The following RGS6 variants were observed in gnomAD, a reference collection of about 807,000 sequenced individuals.
RGS6 encodes regulator of G-protein signaling 6.
Under a neutral mutation model 78.5 loss-of-function variants are expected in RGS6, and 30 were observed. The observed-to-expected ratio is 0.38, with a 90% confidence interval of 0.29 to 0.52. The LOEUF (loss-of-function observed/expected upper bound fraction) is 0.52, where lower values mean the gene tolerates loss of function less well. RGS6 is among the 20% of genes least tolerant of loss of function. The pLI, the probability that RGS6 is intolerant of heterozygous loss-of-function variation, is 0.85. For missense variants in RGS6, 495 were observed against 609.7 expected (o/e 0.81, Z 1.98); for synonymous variants, 206 against 206.0 (o/e 1.00, Z 0.00).
At position 72,048,705 on chromosome 14, in the gene RGS6, C is replaced by T. The variant is rs183450617; in HGVS notation, c.84+83830C>T. Reference sequence around the variant, plus strand: ...TTTTTGCAGATTTTTTTTTTCTTAACAGAGAAAATTGAGATATGAAATTAT... The same window carrying T: ...TTTTTGCAGATTTTTTTTTTCTTAATAGAGAAAATTGAGATATGAAATTAT... On this transcript the variant is annotated intron_variant, in intron 2 of 17. Transcript: ENST00000553525. Among the ~76,000 whole-genome samples, 429 of 151,858 alleles carry T rather than the reference C, an allele frequency of 2.8e-3. 6 individuals are homozygous for T. The highest frequency in any genetic ancestry group is 9.9e-3 in the African/African-American group (408 of 41,386).
chr14:72,295,214 C>T (rs1370058927), intron 2 of RGS6, among the ~76,000 whole-genome samples: 1 of 150,710 alleles, frequency 6.6e-6, no homozygotes, highest in East Asian at 1.9e-4. Flanking sequence ...TGGCGTGAAC[C>T]CGGGAGGCGG....
intron 2 of RGS6, among the ~76,000 whole-genome samples, chr14:72,235,738 G>A (rs1359392296): frequency 2.0e-5 from 3 of 152,210 alleles, no homozygotes; most frequent in East Asian, 1.9e-4. Context: ...ATAACAGCTT[G>A]TAGATGGATA....
intron 3 of RGS6, 101 bp from the exon 4 acceptor site, chr14:72,454,427 T>C: frequency 1.7e-6 from 2 of 1,207,122 alleles, no homozygotes; most frequent in Admixed American, 1.7e-5. Context: ...CTCTACAGTG[T>C]GGACTGTTTG....
At chr14:72,427,364 C>T (rs1296609147) in intron 3 of RGS6, among the ~76,000 whole-genome samples, 2 of 152,150 alleles carry the variant, frequency 1.3e-5, no homozygotes, top group African/African-American at 4.8e-5. Context: ...GGATTCAGTA[C>T]TATCCGCTGT....
chr14:71,928,761 C>T (rs2087757236), upstream of RGS6, among the ~76,000 whole-genome samples: 1 of 152,190 alleles, frequency 6.6e-6, no homozygotes, highest in Non-Finnish European at 1.5e-5. Context: ...AGGATCCTTG[C>T]ATGCAGTGTG....
At chr14:71,975,727 G>C (rs2094083475) in intron 2 of RGS6, among the ~76,000 whole-genome samples, 1 of 152,180 alleles carries the variant, frequency 6.6e-6, no homozygotes, top group South Asian at 2.1e-4. Context: ...AAAGTGCTGG[G>C]ATTATAGGCA....
At chr14:72,190,690 C>G (rs2097312277) in intron 2 of RGS6, among the ~76,000 whole-genome samples, 1 of 152,190 alleles carries the variant, frequency 6.6e-6, no homozygotes, top group South Asian at 2.1e-4. Context: ...AGAGGAGAAT[C>G]TAGGAGATAC....
intron 2 of RGS6, among the ~76,000 whole-genome samples, chr14:72,090,331 G>A (rs916685853): frequency 6.6e-6 from 1 of 152,130 alleles, no homozygotes; most frequent in Non-Finnish European, 1.5e-5. Context: ...TGGCACAGCC[G>A]GAGGTGAGCA....
At chr14:72,039,547 T>G (rs1318532009) in intron 2 of RGS6, among the ~76,000 whole-genome samples, 3 of 152,166 alleles carry the variant, frequency 2.0e-5, no homozygotes, top group South Asian at 4.1e-4. Context: ...TGGAATATCT[T>G]TTTCCATTCT....
chr14:72,367,026 C>T (rs549447990), intron 3 of RGS6, among the ~76,000 whole-genome samples: 2 of 152,294 alleles, frequency 1.3e-5, no homozygotes, highest in African/African-American at 4.8e-5. Flanking sequence ...CTCACTTATT[C>T]TTGCAGTCAG....
intron 3 of RGS6, among the ~76,000 whole-genome samples, chr14:72,361,421 T>C (rs889688765): frequency 6.6e-6 from 1 of 152,152 alleles, no homozygotes; most frequent in Non-Finnish European, 1.5e-5. Flanking sequence ...CCACAAATTG[T>C]AAGTCAAGTG....
intron 3 of RGS6, among the ~76,000 whole-genome samples, chr14:72,447,671 C>G (rs978245488): frequency 7.2e-5 from 11 of 152,134 alleles, no homozygotes; most frequent in African/African-American, 2.2e-4. Context: ...TTACCCCTCA[C>G]AGTCAAGATG....
intron 1 of RGS6, 86 bp from the exon 2 acceptor site, chr14:71,964,686 C>A: frequency 2.2e-6 from 2 of 913,328 alleles, no homozygotes; most frequent in Admixed American, 2.6e-5. Flanking sequence ...ATGGCATCTG[C>A]CAAAAGTTAC....
At chr14:72,397,331 C>G (rs1195296256) in intron 3 of RGS6, among the ~76,000 whole-genome samples, 1 of 151,894 alleles carries the variant, frequency 6.6e-6, no homozygotes, top group Non-Finnish European at 1.5e-5. Flanking sequence ...GGAGTTCACT[C>G]ATGATTTGGC....
At chr14:72,456,111 A>C (rs1292007426) in intron 4 of RGS6, among the ~76,000 whole-genome samples, 1 of 152,128 alleles carries the variant, frequency 6.6e-6, no homozygotes, top group South Asian at 2.1e-4. Flanking sequence ...GCCCTTGGGA[A>C]GACATCATGG....
At chr14:72,060,887 C>G (rs1451258316) in intron 2 of RGS6, among the ~76,000 whole-genome samples, 1 of 152,074 alleles carries the variant, frequency 6.6e-6, no homozygotes, top group Non-Finnish European at 1.5e-5. Context: ...ATTTTTGGGT[C>G]TATCCATTGG....
At chr14:72,079,603 C>T (rs1395078306) in intron 2 of RGS6, among the ~76,000 whole-genome samples, 2 of 152,168 alleles carry the variant, frequency 1.3e-5, no homozygotes, top group African/African-American at 2.4e-5. Context: ...TTGTTATTAA[C>T]TGTAGTCACC....
At chr14:72,510,746 A>G (rs1488175176) in intron 14 of RGS6, among the ~76,000 whole-genome samples, 1 of 152,226 alleles carries the variant, frequency 6.6e-6, no homozygotes, top group Non-Finnish European at 1.5e-5. Context: ...ATCACTCAGT[A>G]ACTGGTGATG....
At chr14:71,896,911 G>T in the RGS6 span, among the ~76,000 whole-genome samples, 1 of 152,224 alleles carries the variant, frequency 6.6e-6, no homozygotes, top group Non-Finnish European at 1.5e-5. Context: ...AGTAGTGGCA[G>T]CTATCAGAAA....
Sources: allele counts gnomAD v4.1 joint callset (sites outside exome capture counted in the v4.1 genomes callset), GRCh38; gene constraint gnomAD v4.1.1; transcripts MANE v1.5; gene names NCBI Gene and HGNC (gene_info 2026-07-23, HGNC 2026-07-21).